Variants in BAZ2A observed in about 807,000 individuals in gnomAD.
BAZ2A encodes bromodomain adjacent to zinc finger domain 2A, also known as bromodomain adjacent to zinc finger domain protein 2A.
Under a neutral mutation model 199.9 loss-of-function variants are expected in BAZ2A, and 34 were observed. The ratio of observed to expected loss-of-function variants is 0.17; its 90% CI spans 0.13 to 0.23. The LOEUF is 0.23. Among genes scored for constraint, BAZ2A ranks in the 10% least tolerant of loss-of-function variants. BAZ2A has a pLI of 1.00. For synonymous variants in BAZ2A, 857 were observed against 883.9 expected (o/e 0.97, Z 0.54); for missense variants, 2,002 against 2,391.1 (o/e 0.84, Z 3.39).
Position 56,635,367 on chromosome 12 carries a change from G to A in BAZ2A, c.4+815C>T, listed in dbSNP as rs947053859. 6.6e-6 allele frequency among the ~76,000 whole-genome samples: 1 copy of A among 152,064 alleles called. No individual in the cohort carries two copies. The highest frequency in any genetic ancestry group is 1.5e-5 in the Non-Finnish European group (1 of 67,960). ...CAGAAAGAGCTACATGGGCTCCTAG[G>A]AGGCCTAGGGGTGCAGGAGAGGGAA... On this transcript the variant is annotated intron_variant, in intron 1 of 29. Transcript: ENST00000379441. The surrounding 1 kb of genome is among the most constrained non-coding windows in gnomAD (Gnocchi z 4.1).
rs765194968 is a variant in BAZ2A, at chr12:56,600,396, C to T, written c.4697G>A (p.Arg1566Gln). ...DSQEDITWRG[R>Q]GREGLAPQRK... ...CTGAGGTGCCAGTCCCTCCCTGCCC[C>T]GACCTCGCCAGGTGATATCCTCCTG... Residue 1566 changes from arginine (R) to glutamine (Q), a missense_variant, in exon 24 of 29, where the codon CGG becomes CAG. By Grantham distance (43) the Arg-to-Gln change is conservative. Around this residue, in one of 6 missense-constraint regions of BAZ2A, gnomAD observed 1,081 missense variants for 1,274.7 expected, o/e 0.85. Transcript: ENST00000549884. 6.2e-6 allele frequency: 10 copies of T among 1,614,018 alleles called. No homozygotes were observed. In the South Asian group the frequency reaches 6.6e-5, roughly 11 times the overall value.
In BAZ2A at chr12:56,599,304, G is replaced by A. The variant is rs1252895343; in HGVS notation, c.5227C>T (p.Arg1743Trp). ...AAGTTCAGCGAATAACCACTTTTCC[G>A]CTTCTGGCCACGCTTTGGGAAACCA... Reference protein sequence around the residue: ...KPGFPKRGQKRKSGYSLNFSE... With the variant: ...KPGFPKRGQKWKSGYSLNFSE... Residue 1743 changes from arginine (R) to tryptophan (W), a missense_variant, in exon 27 of 29, where the codon CGG (arginine) becomes TGG (tryptophan). Arg to Trp is a moderately radical substitution (Grantham distance 101). This residue lies in a region of BAZ2A where 122 missense variants were observed against 123.0 expected (regional missense o/e 0.99). Coordinates refer to ENST00000549884, the MANE Select transcript of BAZ2A (RefSeq NM_001300905.2). 1.5e-5 allele frequency: 24 copies of A among 1,613,384 alleles called. No individual in the cohort carries two copies. The highest frequency in any genetic ancestry group is 4.5e-5 in the East Asian group (2 of 44,886).
chr12:56,609,712 C>G, intron 10 of BAZ2A, 24 bp downstream of exon 10: 1 of 1,606,596 alleles, frequency 6.2e-7, no homozygotes, highest in Non-Finnish European at 8.5e-7. Context: ...GAGCAGAATC[C>G]CAAAGTAAGA....
chr12:56,612,831 C>G (rs1046780235), intron 5 of BAZ2A, among the ~76,000 whole-genome samples, 184 bp downstream of exon 5: 10 of 152,162 alleles, frequency 6.6e-5, no homozygotes, highest in Non-Finnish European at 8.8e-5. Context: ...CCATGTTGGC[C>G]AGGTGGTCTC....
rs113061871 is a variant in BAZ2A, at chr12:56,612,881, C to T, written c.1135+134G>A. On this transcript the variant is annotated intron_variant, in intron 5 of 28. Coordinates refer to ENST00000549884, the MANE Select transcript of BAZ2A (RefSeq NM_001300905.2). ...AGGTGATCCACCCGCCTCGGCCTCCCGAAGTGCTGAGATTACAGGCGTGAG... is the reference window on the plus strand; with the variant it reads ...AGGTGATCCACCCGCCTCGGCCTCCTGAAGTGCTGAGATTACAGGCGTGAG... The T allele has an allele frequency of 1.8e-4, 184 of 1,027,268 alleles. No individual in the cohort carries two copies. In the African/African-American group the frequency reaches 2.6e-3, roughly 15 times the overall value. 63.6% of individuals were successfully genotyped at this position (1,027,268 alleles called of 1,614,324 possible).
intron 1 of BAZ2A, among the ~76,000 whole-genome samples, chr12:56,628,498 A>G (rs1485792414): frequency 6.6e-6 from 1 of 152,190 alleles, no homozygotes; most frequent in Non-Finnish European, 1.5e-5. Flanking sequence ...AAACTGTACT[A>G]TTCTAATTAG....
upstream of BAZ2A, among the ~76,000 whole-genome samples, chr12:56,632,361 C>G (rs572623279): frequency 3.3e-5 from 5 of 152,148 alleles, no homozygotes; most frequent in Non-Finnish European, 5.9e-5. Flanking sequence ...CTTCCCTGCC[C>G]TTTTCCAGAG....
chr12:56,626,286 C>T (rs565382502), intron 1 of BAZ2A, among the ~76,000 whole-genome samples: 49 of 152,328 alleles, frequency 3.2e-4, no homozygotes, highest in African/African-American at 1.1e-3. Context: ...AAATTTTATA[C>T]TTGGCATTAT....
Position 56,606,743 on chromosome 12 carries a change from C to A in BAZ2A, c.2093-10G>T. On this transcript the variant is annotated splice_polypyrimidine_tract_variant and intron_variant, in intron 10 of 28. Coordinates refer to ENST00000549884, the MANE Select transcript of BAZ2A (RefSeq NM_001300905.2). ...TCCTCATTCAATGTTTCTGTGAGAG[C>A]AGAAAGAAAAATGAAACAAGTGAGG... 6.2e-7 allele frequency: 1 copy of A among 1,610,254 alleles called. No individual in the cohort carries two copies.
chr12:56,638,298 A>G (rs1453136738), upstream of BAZ2A: 6 of 1,595,250 alleles, frequency 3.8e-6, no homozygotes, highest in South Asian at 4.4e-5. Flanking sequence ...GCAAGGAGAG[A>G]GACAGTACAG....
chr12:56,609,981 G>C (rs1950508022), intron 9 of BAZ2A, 35 bp from the exon 10 acceptor site: 2 of 1,609,094 alleles, frequency 1.2e-6, no homozygotes, highest in African/African-American at 1.3e-5. Flanking sequence ...CAGTAGTAAG[G>C]AATCAGTGCA....
chr12:56,603,373 C>T lies in BAZ2A; in HGVS notation c.3265G>A (p.Glu1089Lys). The change falls in exon 18 of 29, where the codon GAA becomes AAA. Residue 1089 changes from glutamate to lysine, a missense_variant. By Grantham distance (56) the Glu-to-Lys change is moderately conservative. Around this residue, in one of 6 missense-constraint regions of BAZ2A, gnomAD observed 1,081 missense variants for 1,274.7 expected, o/e 0.85. Coordinates refer to ENST00000549884, the MANE Select transcript of BAZ2A (RefSeq NM_001300905.2). Reference protein sequence around the residue: ...SSIPELERQIEKLSKRQLFFR... With the variant: ...SSIPELERQIKKLSKRQLFFR... ...AAGCACAATACCTTGCTGAGTTTTT[C>T]TATCTGGCGCTCTAGCTCTGGGATG... 6.2e-7 allele frequency: 1 copy of T among 1,614,028 alleles called. No individual in the cohort carries two copies. The highest frequency in any genetic ancestry group is 8.5e-7 in the Non-Finnish European group (1 of 1,179,872).
exon 1 of BAZ2A, chr12:56,636,309 A>C: frequency 6.6e-7 from 1 of 1,512,734 alleles, no homozygotes; most frequent in Non-Finnish European, 8.9e-7. Flanking sequence ...AAGAATCAAA[A>C]AGCCAGTGTA....
Position 56,606,685 on chromosome 12 carries a change from T to A in BAZ2A, c.2141A>T (p.Lys714Met), listed in dbSNP as rs775020332. The A allele has an allele frequency of 2.5e-6, 4 of 1,613,766 alleles. No homozygotes were observed. The highest frequency in any genetic ancestry group is 2.2e-5 in the East Asian group (1 of 44,868). ...DKAKIAKSKK[K>M]MRQKVQRGEC... ...TCCCCGTTGAACCTTCTGCCTCATC[T>A]TCTTCTTGCTTTTAGCAATCTTTGC... The change falls in exon 11 of 29, where the codon AAG becomes ATG. Residue 714 changes from lysine to methionine, a missense_variant. By Grantham distance (95) the Lys-to-Met change is moderately conservative. Around this residue, in one of 6 missense-constraint regions of BAZ2A, gnomAD observed 1,081 missense variants for 1,274.7 expected, o/e 0.85. Transcript: ENST00000549884.
upstream of BAZ2A, among the ~76,000 whole-genome samples, chr12:56,633,479 G>A (rs1218451836): frequency 2.0e-5 from 3 of 152,146 alleles, no homozygotes; most frequent in Non-Finnish European, 1.5e-5. Flanking sequence ...GCTGGACTGG[G>A]GGTGGAGGGG....
At chr12:56,635,004 C>T, upstream of BAZ2A, 3 of 984,466 alleles carry the variant, frequency 3.0e-6, no homozygotes, top group Non-Finnish European at 3.6e-6. The surrounding 1 kb of genome is among the most constrained non-coding windows in gnomAD (Gnocchi z 4.1). Context: ...GTGGCCGAGC[C>T]GGGCGGCGGC....
intron 19 of BAZ2A, 31 bp from the exon 20 acceptor site, chr12:56,602,223 T>C: frequency 6.6e-7 from 1 of 1,516,116 alleles, no homozygotes; most frequent in South Asian, 1.2e-5. Flanking sequence ...TTAAGCCATA[T>C]GCTGACATAC....
rs536470808 is a variant in BAZ2A at position 56,604,822 on chromosome 12, G to T, written c.2749-23C>A. ...GGACTGTGTGGAGGACAGCATAATG[G>T]GGGTGAGTAGGGAAAGATGCACAAC... On this transcript the variant is annotated intron_variant, in intron 14 of 28. Coordinates refer to ENST00000549884, the MANE Select transcript of BAZ2A (RefSeq NM_001300905.2). 7 of 1,605,380 alleles carry T rather than the reference G, an allele frequency of 4.4e-6. No homozygotes were observed. The South Asian group carries it at 6.7e-5, about 15-fold the overall frequency.
At chr12:56,607,876 T>A (rs1377432437) in intron 10 of BAZ2A, among the ~76,000 whole-genome samples, 8 of 148,332 alleles carry the variant, frequency 5.4e-5, no homozygotes, top group Admixed American at 3.3e-4. Context: ...AGGTCAGGAG[T>A]TCGAGACCAG....
Sources: gnomAD v4.1 joint callset for allele counts (sites outside exome capture counted in the v4.1 genomes callset) on GRCh38, gnomAD v4.1.1 for gene constraint, gnomAD v4.1.1 regional missense constraint, Gnocchi (gnomAD v3.1) non-coding constraint, MANE v1.5 for transcripts, NCBI Gene and HGNC (gene_info 2026-07-23, HGNC 2026-07-21) for gene names.